The following WWOX variants were observed in gnomAD, a reference collection of about 807,000 sequenced individuals.
WWOX encodes WW domain-containing oxidoreductase.
A neutral mutation model predicts 46.2 loss-of-function variants in WWOX; 69 were observed. The ratio of observed to expected loss-of-function variants is 1.49; its 90% CI spans 1.23 to 1.82. WWOX has a LOEUF of 1.82. Among genes scored for constraint, WWOX ranks in the 40% most tolerant of loss-of-function variants. The pLI is 0.00. For missense variants in WWOX, 919 were observed against 542.6 expected (o/e 1.69, Z -6.89); for synonymous variants, 359 against 202.6 (o/e 1.77, Z -6.56).
chr16:78,521,516 T>G (rs1245753025), intron 8 of WWOX, among the ~76,000 whole-genome samples: 1 of 152,212 alleles, frequency 6.6e-6, no homozygotes, highest in East Asian at 1.9e-4. Context: ...CTGGGCTAAT[T>G]ATGTGTTTAG....
intron 8 of WWOX, among the ~76,000 whole-genome samples, chr16:78,999,353 C>T (rs1240629305): frequency 6.6e-6 from 1 of 152,072 alleles, no homozygotes; most frequent in Non-Finnish European, 1.5e-5. Flanking sequence ...GCCTGTAATC[C>T]CAGCTACTCG....
At chr16:79,179,508 CTTTTGT>C (rs1157710975) in intron 8 of WWOX, among the ~76,000 whole-genome samples, 1 of 152,192 alleles carries the variant, frequency 6.6e-6, no homozygotes, top group Admixed American at 6.5e-5. Context: ...ATCCTTCATG[CTTTTGT>C]TTTTGTTTTT....
At chr16:78,816,770 C>T (rs372901519) in intron 8 of WWOX, among the ~76,000 whole-genome samples, 6 of 151,930 alleles carry the variant, frequency 3.9e-5, no homozygotes, top group African/African-American at 1.2e-4. Context: ...TTTTGTGGCT[C>T]AGTTTTTTTT....
intron 5 of WWOX, among the ~76,000 whole-genome samples, chr16:78,299,671 G>A (rs1166244571): frequency 1.3e-5 from 2 of 151,904 alleles, no homozygotes; most frequent in African/African-American, 2.4e-5. Context: ...GGGACTACAA[G>A]GTTGTGCCAC....
intron 8 of WWOX, among the ~76,000 whole-genome samples, chr16:78,723,563 T>G: frequency 3.7e-5 from 1 of 27,386 alleles, no homozygotes; most frequent in South Asian, 1.2e-3. Context: ...CCTTCTTTTC[T>G]TTTCTTTTCT....
intron 8 of WWOX, among the ~76,000 whole-genome samples, chr16:78,539,844 C>A (rs1014685693): frequency 6.6e-6 from 1 of 152,122 alleles, no homozygotes; most frequent in African/African-American, 2.4e-5. Flanking sequence ...CTTTATCTTG[C>A]CATTACTGTA....
chr16:79,066,036 C>G (rs976605505), intron 8 of WWOX, among the ~76,000 whole-genome samples: 3 of 152,218 alleles, frequency 2.0e-5, no homozygotes, highest in African/African-American at 7.2e-5. Context: ...GTCTGTTCAT[C>G]ATGATCTGTG....
intron 8 of WWOX, among the ~76,000 whole-genome samples, chr16:78,755,574 C>G (rs773923734): frequency 2.0e-5 from 3 of 152,168 alleles, no homozygotes; most frequent in Non-Finnish European, 4.4e-5. Context: ...GTAAATAGCC[C>G]TGCCCGAAGC....
chr16:78,413,303 A>G (rs987065775), intron 6 of WWOX, among the ~76,000 whole-genome samples: 2 of 152,132 alleles, frequency 1.3e-5, no homozygotes, highest in African/African-American at 4.8e-5. Flanking sequence ...AGACCACCAA[A>G]CAGGGTTTGT....
At chr16:79,142,755 G>C (rs1284652110) in intron 8 of WWOX, among the ~76,000 whole-genome samples, 1 of 152,180 alleles carries the variant, frequency 6.6e-6, no homozygotes, top group African/African-American at 2.4e-5. Flanking sequence ...CGGGACTGCA[G>C]TGGCACCATT....
chr16:78,480,941 C>G (rs1355762575), intron 8 of WWOX, among the ~76,000 whole-genome samples: 2 of 152,178 alleles, frequency 1.3e-5, no homozygotes, highest in Admixed American at 6.5e-5. Context: ...GGATATAGTT[C>G]TTAGAATAGC....
chr16:78,409,826 G>C (rs2082634633), intron 6 of WWOX, among the ~76,000 whole-genome samples: 1 of 152,134 alleles, frequency 6.6e-6, no homozygotes, highest in Admixed American at 6.5e-5. Context: ...TTGCATCTCT[G>C]ACCTTAGCCC....
intron 8 of WWOX, among the ~76,000 whole-genome samples, chr16:79,024,219 G>C (rs1244790807): frequency 6.6e-6 from 1 of 152,098 alleles, no homozygotes; most frequent in East Asian, 1.9e-4. Flanking sequence ...AAAAACCACT[G>C]AACTGTACAC....
intron 8 of WWOX, among the ~76,000 whole-genome samples, chr16:78,453,824 C>T (rs908889078): frequency 4.2e-5 from 6 of 144,152 alleles, no homozygotes; most frequent in African/African-American, 1.7e-4. Flanking sequence ...AGCCTTTTTA[C>T]CAAAACCATT....
In WWOX at chr16:78,882,504, T is replaced by A. The variant is rs1439859365; in HGVS notation, c.1057-329104T>A. Among the ~76,000 whole-genome samples the A allele has an allele frequency of 2.0e-5, 3 of 149,952 alleles. No homozygotes were observed. In the East Asian group the frequency reaches 5.9e-4, roughly 30 times the overall value. On this transcript the variant is annotated intron_variant, in intron 8 of 8. Coordinates refer to ENST00000566780, the MANE Select transcript of WWOX (RefSeq NM_016373.4). ...TTTTTTTTTTTTAATTGAGATGGGG[T>A]CTCACTCTGTCACCCAGGCTGGCGT...
At chr16:78,874,684 CTT>C (rs552696627) in intron 8 of WWOX, among the ~76,000 whole-genome samples, 6 of 83,500 alleles carry the variant, frequency 7.2e-5, no homozygotes, top group Admixed American at 1.8e-4. Flanking sequence ...AGATTTTTTT[CTT>C]TTTTTTTTTT....
Position 78,268,584 on chromosome 16 carries a change from T to G in WWOX, c.516+104295T>G, listed in dbSNP as rs1383435887. Among the ~76,000 whole-genome samples the G allele has an allele frequency of 2.6e-5, 4 of 152,304 alleles. No homozygotes were observed. The East Asian group carries it at 5.8e-4, about 22-fold the overall frequency. Reference sequence around the variant, plus strand: ...AGAATTTCTCTCCAGGCCTGGTGGATTCTAAAGCTGTTTACTCTTCACCCA... The same window carrying G: ...AGAATTTCTCTCCAGGCCTGGTGGAGTCTAAAGCTGTTTACTCTTCACCCA... On this transcript the variant is annotated intron_variant, in intron 5 of 8. Coordinates refer to ENST00000566780, the MANE Select transcript of WWOX (RefSeq NM_016373.4).
intron 8 of WWOX, among the ~76,000 whole-genome samples, chr16:79,063,015 A>G (rs2048381797): frequency 6.6e-6 from 1 of 152,190 alleles, no homozygotes; most frequent in Non-Finnish European, 1.5e-5. Flanking sequence ...TTTGGCAGGT[A>G]CCCTGCTTGT....
At chr16:78,540,024 A>T (rs897519392) in intron 8 of WWOX, among the ~76,000 whole-genome samples, 109 of 147,616 alleles carry the variant, frequency 7.4e-4, no homozygotes, top group African/African-American at 2.7e-3. Context: ...TCTCTCTCAC[A>T]CACACACACA....
Sources: allele counts gnomAD v4.1 joint callset (sites outside exome capture counted in the v4.1 genomes callset), GRCh38; gene constraint gnomAD v4.1.1; transcripts MANE v1.5; gene names NCBI Gene and HGNC (gene_info 2026-07-23, HGNC 2026-07-21).